Variants in SI observed in about 807,000 individuals in gnomAD.
SI encodes the protein sucrase-isomaltase, also known as sucrase-isomaltase, intestinal.
Under a neutral mutation model 253.3 loss-of-function variants are expected in SI, and 235 were observed. That is an observed-to-expected ratio of 0.93 (90% CI 0.83 to 1.03). SI has a LOEUF of 1.03. Ranked by LOEUF, SI falls within the 50% of genes least tolerant of loss-of-function variation. The pLI is 0.00. For missense variants in SI, 2,442 were observed against 2,211.1 expected (o/e 1.10, Z -2.09); for synonymous variants, 819 against 712.0 (o/e 1.15, Z -2.39).
At chr3:165,080,402 C>T (rs1488220344), upstream of SI, among the ~76,000 whole-genome samples, 2 of 151,852 alleles carry the variant, frequency 1.3e-5, no homozygotes, top group Non-Finnish European at 2.9e-5. Context: ...TTGTTCTCTC[C>T]AGTTAAAAAC....
At chr3:165,090,160 AGAGAG>A in the SI span, among the ~76,000 whole-genome samples, 7 of 133,532 alleles carry the variant, frequency 5.2e-5, no homozygotes, top group Non-Finnish European at 1.2e-4. Context: ...AAAAAAAAAA[AGAGAG>A]AGAGAGAGAG....
chr3:165,039,386 T>C (rs1366384253), intron 19 of SI, among the ~76,000 whole-genome samples: 2 of 151,902 alleles, frequency 1.3e-5, no homozygotes, highest in African/African-American at 2.4e-5. Flanking sequence ...CATATATGTG[T>C]ATTGTTATAA....
Position 165,059,973 on chromosome 3 carries a change from G to A in SI, c.1075C>T (p.Arg359Cys), listed in dbSNP as rs1411686113. 5.6e-6 allele frequency: 9 copies of A among 1,611,172 alleles called. No individual in the cohort carries two copies. Among genetic ancestry groups the A allele is most frequent in the Admixed American group, 1.7e-5 (1 of 59,832 alleles). Residue 359 changes from arginine (R) to cysteine (C), a missense_variant, in exon 10 of 48, where the codon CGC becomes TGC. Arg to Cys is a radical substitution (Grantham distance 180). Coordinates refer to ENST00000264382, the MANE Select transcript of SI (RefSeq NM_001041.4). ...AYWNLGFQLS[R>C]WNYKSLDVVK... ...ACATCTAGTGACTTATAATTCCAGC[G>A]ACTTAGTTGGAATCCAAGATTCCAA...
chr3:164,981,340 C>T (rs539579414), intron 47 of SI, among the ~76,000 whole-genome samples: 80 of 152,142 alleles, frequency 5.3e-4, no homozygotes, highest in African/African-American at 1.5e-3. Flanking sequence ...AAAGATGGAA[C>T]AGACTTTCAG....
At chr3:165,055,153 T>C (rs1345689425) in intron 13 of SI, 41 bp downstream of exon 13, 1 of 1,145,222 alleles carries the variant, frequency 8.7e-7, no homozygotes, top group African/African-American at 1.5e-5. Flanking sequence ...AATAAGTCTA[T>C]GGTCATTGAC....
At chr3:165,068,948 C>G in intron 4 of SI, 117 bp from the exon 5 acceptor site, 2 of 988,594 alleles carry the variant, frequency 2.0e-6, no homozygotes. Context: ...TTGTTACAAT[C>G]ATGCAAAAAT....
chr3:165,051,805 CATT>C (rs1198568291), intron 13 of SI, among the ~76,000 whole-genome samples: 5 of 151,682 alleles, frequency 3.3e-5, no homozygotes, highest in African/African-American at 9.7e-5. Flanking sequence ...TGAAAGTAAA[CATT>C]ATTATGTAAT....
chr3:165,058,522 C>G (rs1320428915), intron 12 of SI, among the ~76,000 whole-genome samples: 1 of 151,718 alleles, frequency 6.6e-6, no homozygotes, highest in African/African-American at 2.4e-5. Flanking sequence ...ACAAAGTCAA[C>G]TAACCTTTAG....
intron 13 of SI, among the ~76,000 whole-genome samples, chr3:165,052,748 C>T (rs955621440): frequency 2.0e-5 from 3 of 152,018 alleles, no homozygotes; most frequent in Non-Finnish European, 4.4e-5. Flanking sequence ...GATCTGATGG[C>T]ATTTTATACT....
chr3:165,063,179 T>A (rs550930388), intron 8 of SI, among the ~76,000 whole-genome samples: 2 of 152,260 alleles, frequency 1.3e-5, no homozygotes, highest in South Asian at 4.1e-4. Flanking sequence ...CCCATTGGCA[T>A]GGATGTGTTT....
chr3:165,072,097 T>C (rs9835781), intron 3 of SI, among the ~76,000 whole-genome samples: 88,405 of 151,842 alleles, frequency 0.58, 26,130 homozygotes, highest in East Asian at 0.81. Context: ...ATATAACCAA[T>C]TTTCCAATTT....
the SI span, among the ~76,000 whole-genome samples, chr3:165,087,125 A>G: frequency 6.7e-6 from 1 of 149,198 alleles, no homozygotes. Flanking sequence ...ATAGAAACAA[A>G]CGAACAAATA....
the SI span, among the ~76,000 whole-genome samples, chr3:165,086,320 A>C: frequency 6.6e-6 from 1 of 152,134 alleles, no homozygotes; most frequent in Non-Finnish European, 1.5e-5. Flanking sequence ...ACATGAACCT[A>C]ATGAGTTGTT....
At chr3:164,995,417 A>T (rs1454502898) in intron 40 of SI, among the ~76,000 whole-genome samples, 1 of 151,850 alleles carries the variant, frequency 6.6e-6, no homozygotes, top group East Asian at 1.9e-4. Flanking sequence ...TAGTTTTAAC[A>T]TGTTGATACA....
intron 45 of SI, among the ~76,000 whole-genome samples, chr3:164,985,162 G>A (rs1297580006): frequency 1.3e-5 from 2 of 152,138 alleles, no homozygotes; most frequent in Admixed American, 6.6e-5. Flanking sequence ...CACACCAAAT[G>A]TTGTCATCGA....
At chr3:165,035,481 G>T (rs1712485601) in intron 22 of SI, among the ~76,000 whole-genome samples, 1 of 151,494 alleles carries the variant, frequency 6.6e-6, no homozygotes, top group Non-Finnish European at 1.5e-5. Context: ...TCTTAGGAGA[G>T]AATTATAGAA....
At chr3:164,991,270 A>G in intron 44 of SI, 83 bp downstream of exon 44, 2 of 1,541,618 alleles carry the variant, frequency 1.3e-6, no homozygotes, top group East Asian at 2.3e-5. Context: ...ATGGGTTAAA[A>G]TTTCAAACCC....
intron 36 of SI, 146 bp from the exon 37 acceptor site, chr3:165,007,100 A>G (rs1718550170): frequency 6.4e-6 from 4 of 629,628 alleles, no homozygotes; most frequent in Non-Finnish European, 1.1e-5. Context: ...TATACTTTGT[A>G]TGAGTTAATT....
chr3:165,048,595 AG>A (rs1713260306), intron 15 of SI, among the ~76,000 whole-genome samples: 1 of 147,948 alleles, frequency 6.8e-6, no homozygotes, highest in African/African-American at 2.5e-5. Context: ...AGAGAGAGAG[AG>A]AGAGAGAGAG....
Sources: allele counts gnomAD v4.1 joint callset (sites outside exome capture counted in the v4.1 genomes callset), GRCh38; gene constraint gnomAD v4.1.1; transcripts MANE v1.5; gene names NCBI Gene and HGNC (gene_info 2026-07-23, HGNC 2026-07-21).